Variants in TTYH3 observed in about 807,000 individuals in gnomAD.
TTYH3 encodes tweety family member 3.
TTYH3 carries 23 observed loss-of-function variants against 68.2 expected under a neutral mutation model. The observed-to-expected ratio is 0.34, with a 90% CI of 0.24 to 0.48. TTYH3 has a LOEUF of 0.48. Ranked by LOEUF, TTYH3 falls within the 20% of genes least tolerant of loss-of-function variation. The pLI is 0.99. For missense variants in TTYH3, 768 were observed against 727.7 expected, an observed-to-expected ratio of 1.06 and a Z score of -0.64; for synonymous variants, 360 against 332.8, an observed-to-expected ratio of 1.08 and a Z score of -0.89.
chr7:2,632,110 G>C lies in TTYH3; in HGVS notation c.-46G>C. The C allele has an allele frequency of 1.6e-6, 2 of 1,288,880 alleles. No individual in the cohort carries two copies. Among genetic ancestry groups the C allele is most frequent in the Non-Finnish European group, 2.0e-6 (2 of 1,014,464 alleles). 79.8% of individuals were successfully genotyped at this position (1,288,880 alleles called of 1,614,324 possible). On this transcript the variant is annotated 5_prime_UTR_variant, in exon 1 of 14. Coordinates refer to ENST00000258796, the MANE Select transcript of TTYH3 (RefSeq NM_025250.3). ...AAGCCCGCGCCCCGGGCCAGCAAGGGAGCCCCGCGCAGGCCGCGCGCATCC... is the reference window on the plus strand; with the variant it reads ...AAGCCCGCGCCCCGGGCCAGCAAGGCAGCCCCGCGCAGGCCGCGCGCATCC...
intron 1 of TTYH3, among the ~76,000 whole-genome samples, chr7:2,644,278 C>T (rs1322066260): frequency 6.6e-6 from 1 of 152,204 alleles, no homozygotes; most frequent in Non-Finnish European, 1.5e-5. Flanking sequence ...GGGTCAGCAC[C>T]TCCACTCCAT....
intron 11 of TTYH3, among the ~76,000 whole-genome samples, chr7:2,658,070 C>A (rs1786385248): frequency 6.6e-6 from 1 of 152,236 alleles, no homozygotes; most frequent in Non-Finnish European, 1.5e-5. Context: ...GCCTGGCACT[C>A]GGGTGACCAC....
At chr7:2,655,626 C>T (rs766325625) in intron 9 of TTYH3, among the ~76,000 whole-genome samples, 19 of 152,244 alleles carry the variant, frequency 1.2e-4, no homozygotes, top group South Asian at 2.1e-4. Context: ...CATGCACACA[C>T]GTAAGCACCG....
rs948658374 is a variant in TTYH3 at position 2,663,783 on chromosome 7, G to T, written c.*2044G>T. 2.6e-5 allele frequency: 4 copies of T among 152,830 alleles called. No individual in the cohort carries two copies. Among genetic ancestry groups the T allele is most frequent in the Non-Finnish European group, 4.4e-5 (3 of 68,078 alleles). The allele number at this position is 152,830 out of a possible 1,614,324, so 9.5% of individuals were successfully genotyped here. On this transcript the variant is annotated 3_prime_UTR_variant, in exon 14 of 14. Coordinates refer to ENST00000258796, the MANE Select transcript of TTYH3 (RefSeq NM_025250.3). Reference sequence around the variant, plus strand: ...AGAGGCGGTGAGGCCAGGGCTTCCAGCCTCGTGCTGTCTCGGGACTCCTGA... The same window carrying T: ...AGAGGCGGTGAGGCCAGGGCTTCCATCCTCGTGCTGTCTCGGGACTCCTGA...
At chr7:2,650,482 G>A (rs1166128243) in intron 7 of TTYH3, among the ~76,000 whole-genome samples, 1 of 152,114 alleles carries the variant, frequency 6.6e-6, no homozygotes, top group East Asian at 1.9e-4. Flanking sequence ...GGAGACTGAG[G>A]CACGAGAATT....
chr7:2,647,433 G>A lies in TTYH3; in HGVS notation c.421G>A (p.Val141Met), dbSNP rs1178544301. 1.3e-4 allele frequency: 198 copies of A among 1,522,012 alleles called. No homozygotes were observed. Among genetic ancestry groups the A allele is most frequent in the Non-Finnish European group, 1.6e-4 (187 of 1,138,362 alleles). 94.3% of individuals were successfully genotyped at this position (1,522,012 alleles called of 1,614,324 possible). Reference protein sequence around the residue: ...GVQDRVWDTAVGLNHTAEPSL... With the variant: ...GVQDRVWDTAMGLNHTAEPSL... ...TCCGGCGCAGGTGTGGGACACGGCG[G>A]TGGGGCTGAACCACACGGCGGAGCC... The change falls in exon 4 of 14, where the codon GTG (valine) becomes ATG (methionine). Residue 141 changes from valine to methionine, a missense_variant. Physicochemically the swap from Val to Met is conservative, Grantham distance 21. Coordinates refer to ENST00000258796, the MANE Select transcript of TTYH3 (RefSeq NM_025250.3).
intron 1 of TTYH3, among the ~76,000 whole-genome samples, chr7:2,643,997 CA>C (rs1785919136): frequency 6.6e-6 from 1 of 152,142 alleles, no homozygotes. Flanking sequence ...TGACTCCAGC[CA>C]GGGACTGGGG....
rs368408092 is a variant in TTYH3, at chr7:2,658,302, G to A, written c.1267G>A (p.Gly423Arg). ...WQQKRGPDED[G>R]EEEAAPGPRQ... ...TCCTCACAGAGGCCCTGATGAGGACGGGGAGGAGGAGGCCGCTCCAGGGCC... is the reference window on the plus strand; with the variant it reads ...TCCTCACAGAGGCCCTGATGAGGACAGGGAGGAGGAGGCCGCTCCAGGGCC... Residue 423 changes from glycine to arginine, a missense_variant, in exon 12 of 14, where the codon GGG (glycine) becomes AGG (arginine). Coordinates refer to ENST00000258796, the MANE Select transcript of TTYH3 (RefSeq NM_025250.3). The A allele has an allele frequency of 2.8e-5, 45 of 1,591,376 alleles. No individual in the cohort carries two copies. The highest frequency in any genetic ancestry group is 4.0e-5 in the African/African-American group (3 of 74,646).
In TTYH3 at chr7:2,663,416, G is replaced by A. The variant is rs1398079579; in HGVS notation, c.*1677G>A. 1.3e-5 allele frequency: 2 copies of A among 152,664 alleles called. No individual in the cohort carries two copies. The highest frequency in any genetic ancestry group is 2.4e-5 in the African/African-American group (1 of 41,460). 9.5% of individuals were successfully genotyped at this position (152,664 alleles called of 1,614,324 possible). Reference sequence around the variant, plus strand: ...TTGTGCTGGTGTCTGGGACCAAAAAGGGGGAATATGGGAGGGCAGAGTGGG... The same window carrying A: ...TTGTGCTGGTGTCTGGGACCAAAAAAGGGGAATATGGGAGGGCAGAGTGGG... On this transcript the variant is annotated 3_prime_UTR_variant, in exon 14 of 14. Transcript: ENST00000258796.
At chr7:2,635,396 G>C (rs931647875) in intron 1 of TTYH3, among the ~76,000 whole-genome samples, 3 of 152,200 alleles carry the variant, frequency 2.0e-5, no homozygotes, top group Non-Finnish European at 4.4e-5. Flanking sequence ...GGGGAGGCCT[G>C]CCTGCTCAGC....
chr7:2,646,812 G>T (rs1362396171), intron 1 of TTYH3, 41 bp from the exon 2 acceptor site: 2 of 1,567,398 alleles, frequency 1.3e-6, no homozygotes, highest in South Asian at 2.3e-5. Flanking sequence ...ACTCTGAGCT[G>T]GGGGTCCACC....
At chr7:2,653,034 TG>T in intron 9 of TTYH3, 24 bp downstream of exon 9, 1 of 1,549,486 alleles carries the variant, frequency 6.5e-7, no homozygotes, top group Non-Finnish European at 8.8e-7. Context: ...GGGTAGGCAC[TG>T]GGGCAGGCAG....
At chr7:2,650,700 T>G (rs929218959) in intron 7 of TTYH3, among the ~76,000 whole-genome samples, 1 of 151,764 alleles carries the variant, frequency 6.6e-6, no homozygotes, top group African/African-American at 2.4e-5. Context: ...GTGGCAAGCT[T>G]CGCTTTATTC....
intron 9 of TTYH3, 37 bp from the exon 10 acceptor site, chr7:2,656,055 A>G (rs1278025845): frequency 1.3e-6 from 2 of 1,488,112 alleles, no homozygotes; most frequent in Non-Finnish European, 1.8e-6. Flanking sequence ...CCCCCGTCCA[A>G]ATGAAGTGCT....
Position 2,663,823 on chromosome 7 carries a change from T to C in TTYH3, c.*2084T>C, listed in dbSNP as rs901391456. On this transcript the variant is annotated 3_prime_UTR_variant, in exon 14 of 14. Coordinates refer to ENST00000258796, the MANE Select transcript of TTYH3 (RefSeq NM_025250.3). The stretch of plus-strand genomic sequence containing the variant: ...GGGACTCCTGACCGTGGTGTGCGTG[T>C]GTGCCCGTCTGTGACTTTCTACTCA... 6.6e-6 allele frequency: 1 copy of C among 152,596 alleles called. No homozygotes were observed. Among genetic ancestry groups the C allele is most frequent in the African/African-American group, 2.4e-5 (1 of 41,442 alleles). 9.5% of individuals were successfully genotyped at this position (152,596 alleles called of 1,614,324 possible).
At chr7:2,640,712 G>A (rs1391662336) in intron 1 of TTYH3, among the ~76,000 whole-genome samples, 1 of 152,264 alleles carries the variant, frequency 6.6e-6, no homozygotes, top group Non-Finnish European at 1.5e-5. Flanking sequence ...TGGAGGCAGA[G>A]TGGGCATGGC....
intron 9 of TTYH3, among the ~76,000 whole-genome samples, chr7:2,655,388 C>T (rs1562718060): frequency 6.6e-6 from 1 of 152,214 alleles, no homozygotes; most frequent in Non-Finnish European, 1.5e-5. Flanking sequence ...TCAAGTGATC[C>T]ACCCACCTTG....
At chr7:2,641,107 C>A (rs886452670) in intron 1 of TTYH3, among the ~76,000 whole-genome samples, 31 of 152,188 alleles carry the variant, frequency 2.0e-4, no homozygotes, top group African/African-American at 7.2e-4. Context: ...CGAGCCACAC[C>A]CCAGCCCTGC....
chr7:2,659,596 C>A (rs987121839), intron 13 of TTYH3, among the ~76,000 whole-genome samples: 2 of 152,206 alleles, frequency 1.3e-5, no homozygotes, highest in Non-Finnish European at 2.9e-5. Context: ...CAGGAGGGGA[C>A]AGGGTGCCGA....
Sources: gnomAD v4.1 joint callset for allele counts (sites outside exome capture counted in the v4.1 genomes callset) on GRCh38, gnomAD v4.1.1 for gene constraint, MANE v1.5 for transcripts, NCBI Gene and HGNC (gene_info 2026-07-23, HGNC 2026-07-21) for gene names.